Variants in MTREX observed in about 807,000 individuals in gnomAD.
The protein encoded by MTREX is exosome RNA helicase MTR4.
MTREX carries 76 observed loss-of-function variants against 135.4 expected under a neutral mutation model. The ratio of observed to expected loss-of-function variants is 0.56; its 90% CI spans 0.47 to 0.68. The LOEUF (loss-of-function observed/expected upper bound fraction) is 0.68. MTREX is among the 30% of genes least tolerant of loss of function. The pLI is 0.00. For missense variants in MTREX, 920 were observed against 1,262.1 expected, an observed-to-expected ratio of 0.73 and a Z score of 4.11; for synonymous variants, 404 against 401.6, an observed-to-expected ratio of 1.01 and a Z score of -0.07.
intron 1 of MTREX, among the ~76,000 whole-genome samples, chr5:55,314,688 A>G (rs113541718): frequency 1.7e-3 from 264 of 152,320 alleles, no homozygotes; most frequent in African/African-American, 6.2e-3. Context: ...TCTGAACTAT[A>G]AAACAGTAAA....
At chr5:55,370,734 G>A (rs1295816170) in intron 16 of MTREX, among the ~76,000 whole-genome samples, 1 of 152,226 alleles carries the variant, frequency 6.6e-6, no homozygotes, top group Non-Finnish European at 1.5e-5. Flanking sequence ...AGACCATGTA[G>A]TGTGAGAGAA....
Position 55,308,082 on chromosome 5 carries a change from CA to C in MTREX, c.75del (p.Asp26ThrfsTer41). The part of the protein sequence containing the change: ...EGDSTTAAGT[K>X]KDKEKDKGKW... Reference sequence around the variant, plus strand: ...GCGACTCGACCACTGCGGCGGGAACCAAAAAAGACAAGGAAAAGGACAAGGG... The same window carrying C: ...GCGACTCGACCACTGCGGCGGGAACCAAAAAGACAAGGAAAAGGACAAGGG... On this transcript the variant is annotated frameshift_variant, in exon 1 of 27. Coordinates refer to ENST00000230640, the MANE Select transcript of MTREX (RefSeq NM_015360.5). LOFTEE classifies it high-confidence loss of function. The C allele has an allele frequency of 6.2e-7, 1 of 1,612,904 alleles. No individual in the cohort carries two copies. The highest frequency in any genetic ancestry group is 8.5e-7 in the Non-Finnish European group (1 of 1,179,648).
At position 55,425,238 on chromosome 5, in the gene MTREX, C is replaced by CA; in HGVS notation, c.*467dup. On this transcript the variant is annotated 3_prime_UTR_variant, in exon 27 of 27. Transcript: ENST00000230640. ...TGGTGATTGCTCGGATAGTGATTCC[C>CA]AGTTGTTGGTGTTTCATGCAGAGTT... 1 of 1,613,916 alleles carries CA rather than the reference C, an allele frequency of 6.2e-7. No individual in the cohort carries two copies. Among genetic ancestry groups the CA allele is most frequent in the South Asian group, 1.1e-5 (1 of 91,020 alleles).
intron 6 of MTREX, among the ~76,000 whole-genome samples, chr5:55,340,827 T>A (rs1053876119): frequency 6.6e-6 from 1 of 152,128 alleles, no homozygotes; most frequent in Non-Finnish European, 1.5e-5. Flanking sequence ...ATGATCTGCC[T>A]GCCTCAGCCT....
intron 23 of MTREX, among the ~76,000 whole-genome samples, chr5:55,413,350 AAAT>A: frequency 6.6e-6 from 1 of 152,068 alleles, no homozygotes; most frequent in Non-Finnish European, 1.5e-5. Context: ...AAAAAAAAAA[AAAT>A]AGCCATAATT....
At chr5:55,418,233 C>CAAA (rs11446735) in intron 25 of MTREX, among the ~76,000 whole-genome samples, 1 of 124,580 alleles carries the variant, frequency 8.0e-6, no homozygotes, top group Non-Finnish European at 1.6e-5. Flanking sequence ...GACACCATCT[C>CAAA]AAAAAAAAAA....
chr5:55,398,441 G>C (rs1404748957), intron 20 of MTREX, among the ~76,000 whole-genome samples: 1 of 152,128 alleles, frequency 6.6e-6, no homozygotes, highest in East Asian at 1.9e-4. Flanking sequence ...GTGATTCTCT[G>C]ACAGTTTTAC....
chr5:55,400,537 A>C (rs920660594), intron 21 of MTREX, 116 bp downstream of exon 21: 4 of 644,716 alleles, frequency 6.2e-6, no homozygotes, highest in East Asian at 5.6e-5. Context: ...AATGTGAGCT[A>C]TCTTTTAAAT....
chr5:55,406,365 TTCTCCATGTGGTC>T (rs925471338), intron 22 of MTREX, among the ~76,000 whole-genome samples: 3 of 152,322 alleles, frequency 2.0e-5, no homozygotes, highest in African/African-American at 4.8e-5. Flanking sequence ...CTGTTAGAGC[TTCTCCATGTGGTC>T]TCTCCATGTG....
chr5:55,414,316 A>G (rs1750933437), intron 24 of MTREX, 78 bp downstream of exon 24: 5 of 1,134,144 alleles, frequency 4.4e-6, no homozygotes, highest in South Asian at 3.6e-5. Context: ...TTGATAATCT[A>G]ATCATAGTAG....
intron 25 of MTREX, among the ~76,000 whole-genome samples, chr5:55,418,342 A>T (rs1436447608): frequency 6.7e-6 from 1 of 150,230 alleles, no homozygotes; most frequent in Non-Finnish European, 1.5e-5. Flanking sequence ...AATTGTCTTT[A>T]TGGATTATTT....
At chr5:55,323,480 G>GGT (rs2112032881) in intron 2 of MTREX, among the ~76,000 whole-genome samples, 1 of 152,066 alleles carries the variant, frequency 6.6e-6, no homozygotes, top group Non-Finnish European at 1.5e-5. Context: ...GGAGTGCAGT[G>GGT]GTGTGATCAC....
chr5:55,381,649 T>C (rs558415399), intron 18 of MTREX, among the ~76,000 whole-genome samples: 89 of 152,340 alleles, frequency 5.8e-4, no homozygotes, highest in African/African-American at 2.0e-3. Context: ...TTGTTCTAAG[T>C]TTGCTTAATG....
chr5:55,407,260 CA>C (rs954679156), intron 22 of MTREX, among the ~76,000 whole-genome samples: 16 of 152,212 alleles, frequency 1.1e-4, no homozygotes, highest in Non-Finnish European at 2.1e-4. Flanking sequence ...TCTTAGCCAC[CA>C]AAAGGGGGCA....
chr5:55,311,677 T>C (rs1182366560), intron 1 of MTREX, among the ~76,000 whole-genome samples: 4 of 152,220 alleles, frequency 2.6e-5, no homozygotes, highest in Non-Finnish European at 5.9e-5. Flanking sequence ...ACTTAAAATA[T>C]GACTTGTCAG....
chr5:55,416,211 T>C, intron 25 of MTREX, 79 bp downstream of exon 25: 2 of 866,780 alleles, frequency 2.3e-6, no homozygotes, highest in Non-Finnish European at 3.4e-6. Flanking sequence ...TAAACAAGTA[T>C]AATATGTATT....
intron 5 of MTREX, among the ~76,000 whole-genome samples, chr5:55,333,740 GATTTGTTATAATGTAGA>G (rs905115557): frequency 2.0e-5 from 3 of 152,064 alleles, no homozygotes; most frequent in Admixed American, 1.3e-4. Flanking sequence ...TCTACTCCTA[GATTTGTTATAATGTAGA>G]ATTTGTTATA....
intron 1 of MTREX, among the ~76,000 whole-genome samples, chr5:55,321,882 A>G (rs914920122): frequency 6.6e-6 from 1 of 152,078 alleles, no homozygotes; most frequent in African/African-American, 2.4e-5. Flanking sequence ...TGCTTGGATT[A>G]CGGGTATGAG....
At chr5:55,374,286 A>ATATATATATATAT (rs58169395) in intron 16 of MTREX, among the ~76,000 whole-genome samples, 1 of 144,834 alleles carries the variant, frequency 6.9e-6, no homozygotes, top group African/African-American at 2.6e-5. Context: ...ATATATATAT[A>ATATATATATATAT]AACAATTTTT....
Sources: gnomAD v4.1 joint callset for allele counts (sites outside exome capture counted in the v4.1 genomes callset) on GRCh38, gnomAD v4.1.1 for gene constraint, MANE v1.5 for transcripts, NCBI Gene and HGNC (gene_info 2026-07-23, HGNC 2026-07-21) for gene names.